The following PPP3CA variants were observed in gnomAD, a reference collection of about 807,000 sequenced individuals.
PPP3CA encodes the protein protein phosphatase 3 catalytic subunit alpha, also known as CAM-PRP catalytic subunit.
PPP3CA carries 14 observed loss-of-function variants against 66.5 expected under a neutral mutation model. The ratio of observed to expected loss-of-function variants is 0.21; its 90% CI spans 0.14 to 0.33. The LOEUF (loss-of-function observed/expected upper bound fraction) is 0.33, where lower values mean the gene tolerates loss of function less well. Among genes scored for constraint, PPP3CA ranks in the 10% least tolerant of loss-of-function variants. PPP3CA has a pLI of 1.00. For missense variants in PPP3CA, 317 were observed against 639.5 expected, an observed-to-expected ratio of 0.50 and a Z score of 5.44; for synonymous variants, 232 against 226.2, an observed-to-expected ratio of 1.03 and a Z score of -0.23.
intron 1 of PPP3CA, among the ~76,000 whole-genome samples, chr4:101,248,105 T>G (rs567577082): frequency 6.6e-6 from 1 of 152,312 alleles, no homozygotes; most frequent in East Asian, 1.9e-4. Flanking sequence ...CACTATCTGT[T>G]GGTTGTTGGC....
chr4:101,210,715 A>G (rs1015664126), intron 1 of PPP3CA, among the ~76,000 whole-genome samples: 3 of 152,176 alleles, frequency 2.0e-5, no homozygotes, highest in Non-Finnish European at 1.5e-5. Flanking sequence ...GATTACCAAA[A>G]TACAGCATTC....
chr4:101,198,015 T>A (rs1327215612), intron 1 of PPP3CA, among the ~76,000 whole-genome samples: 1 of 152,206 alleles, frequency 6.6e-6, no homozygotes, highest in Non-Finnish European at 1.5e-5. Context: ...CAAATACTCC[T>A]TTTATTTTCC....
intron 2 of PPP3CA, among the ~76,000 whole-genome samples, chr4:101,163,093 TA>T (rs1180381992): frequency 6.6e-6 from 1 of 152,176 alleles, no homozygotes; most frequent in Admixed American, 6.5e-5. Flanking sequence ...AAAAACTTTT[TA>T]ATAACTGGCA....
At chr4:101,295,819 C>T (rs1728183999) in intron 1 of PPP3CA, among the ~76,000 whole-genome samples, 1 of 152,168 alleles carries the variant, frequency 6.6e-6, no homozygotes, top group African/African-American at 2.4e-5. Flanking sequence ...GGTTTGGAAT[C>T]CCAGAGGAAA....
At chr4:101,233,611 C>G (rs1261567086) in intron 1 of PPP3CA, among the ~76,000 whole-genome samples, 1 of 151,526 alleles carries the variant, frequency 6.6e-6, no homozygotes, top group Admixed American at 6.6e-5. Flanking sequence ...ATCAAGGTAA[C>G]TGGCCTCTAT....
At chr4:101,209,293 G>C (rs1343132602) in intron 1 of PPP3CA, among the ~76,000 whole-genome samples, 1 of 152,012 alleles carries the variant, frequency 6.6e-6, no homozygotes, top group Non-Finnish European at 1.5e-5. Context: ...TTTTTTTAAA[G>C]CAAAATCCTA....
chr4:101,317,072 T>A (rs970934382), intron 1 of PPP3CA, among the ~76,000 whole-genome samples: 4 of 152,062 alleles, frequency 2.6e-5, no homozygotes, highest in Non-Finnish European at 5.9e-5. Context: ...ACCTCCCCAC[T>A]TCACTCTCCT....
intron 1 of PPP3CA, among the ~76,000 whole-genome samples, chr4:101,247,504 C>G (rs1402299724): frequency 6.6e-6 from 1 of 152,072 alleles, no homozygotes; most frequent in African/African-American, 2.4e-5. Flanking sequence ...CCCCACCAAC[C>G]CTTCCTATGT....
intron 1 of PPP3CA, among the ~76,000 whole-genome samples, chr4:101,294,742 T>C (rs947633173): frequency 6.6e-6 from 1 of 152,048 alleles, no homozygotes; most frequent in African/African-American, 2.4e-5. Flanking sequence ...CTATGCATTG[T>C]AGGATGTTTG....
chr4:101,273,569 C>T (rs1269806629), intron 1 of PPP3CA, among the ~76,000 whole-genome samples: 4 of 152,206 alleles, frequency 2.6e-5, no homozygotes, highest in African/African-American at 9.6e-5. Flanking sequence ...TTGTGATCTG[C>T]CCACCTCGGC....
intron 3 of PPP3CA, among the ~76,000 whole-genome samples, chr4:101,106,270 A>C (rs1266497195): frequency 6.6e-6 from 1 of 151,364 alleles, no homozygotes; most frequent in Non-Finnish European, 1.5e-5. Context: ...GCAGTGAGCT[A>C]TGACTGTGCC....
At chr4:101,035,292 A>AC (rs1461958194) in intron 11 of PPP3CA, among the ~76,000 whole-genome samples, 5 of 149,714 alleles carry the variant, frequency 3.3e-5, no homozygotes, top group Non-Finnish European at 5.9e-5. Flanking sequence ...AAAAAAACAA[A>AC]ACCCCCCCAA....
At chr4:101,241,462 T>C (rs1726306675) in intron 1 of PPP3CA, among the ~76,000 whole-genome samples, 1 of 152,146 alleles carries the variant, frequency 6.6e-6, no homozygotes, top group Non-Finnish European at 1.5e-5. Flanking sequence ...ATTTGTTGAA[T>C]AAAAGAAAGA....
At chr4:101,165,653 A>G (rs11942063) in intron 2 of PPP3CA, among the ~76,000 whole-genome samples, 12 of 152,184 alleles carry the variant, frequency 7.9e-5, no homozygotes, top group African/African-American at 2.9e-4. Flanking sequence ...ACATGTGTAC[A>G]TCAATAAAAT....
intron 6 of PPP3CA, among the ~76,000 whole-genome samples, chr4:101,085,027 C>T (rs1729601188): frequency 6.6e-6 from 1 of 151,732 alleles, no homozygotes; most frequent in Admixed American, 6.6e-5. Context: ...AAGTGTGTGT[C>T]AGAGAAAAAA....
At chr4:101,027,256 G>A (rs1182532089) in intron 13 of PPP3CA, among the ~76,000 whole-genome samples, 1 of 137,618 alleles carries the variant, frequency 7.3e-6, no homozygotes, top group Non-Finnish European at 1.6e-5. Context: ...AACCTTATTT[G>A]GGGGGGAAAA....
intron 10 of PPP3CA, among the ~76,000 whole-genome samples, chr4:101,042,807 T>TC (rs1398524732): frequency 5.1e-4 from 68 of 133,062 alleles, no homozygotes; most frequent in African/African-American, 2.4e-3. Context: ...CTTTTTCTTT[T>TC]TTTTTTTTTT....
chr4:101,082,338 T>C (rs79272967), intron 7 of PPP3CA, among the ~76,000 whole-genome samples: 5,541 of 152,268 alleles, frequency 0.036, 127 homozygotes, highest in Middle Eastern at 0.095. Flanking sequence ...GTCATAGACA[T>C]GGGCCTCCTT....
Position 101,133,607 on chromosome 4 carries a change from T to C in PPP3CA, c.260-24529A>G, listed in dbSNP as rs546889856. ...AAAGAAATGAGAGGACACAAACAAA[T>C]GGAAAAACATTCCATGCTCATGGAT... On this transcript the variant is annotated intron_variant, in intron 2 of 13. Transcript: ENST00000394854. Among the ~76,000 whole-genome samples the C allele has an allele frequency of 1.1e-4, 16 of 152,078 alleles. No individual in the cohort carries two copies. The South Asian group carries it at 3.3e-3, about 32-fold the overall frequency.
Sources: gnomAD v4.1 joint callset for allele counts (sites outside exome capture counted in the v4.1 genomes callset) on GRCh38, gnomAD v4.1.1 for gene constraint, MANE v1.5 for transcripts, NCBI Gene and HGNC (gene_info 2026-07-23, HGNC 2026-07-21) for gene names.